The following CASR variants were observed in gnomAD, a reference collection of about 807,000 sequenced individuals.
CASR encodes the protein extracellular calcium-sensing receptor.
Under a neutral mutation model 69.1 loss-of-function variants are expected in CASR, and 23 were observed. That is an observed-to-expected ratio of 0.33 (90% confidence interval 0.24 to 0.47). CASR has a LOEUF of 0.47. Ranked by LOEUF, CASR falls within the 20% of genes least tolerant of loss-of-function variation. The pLI is 1.00. For synonymous variants in CASR, 541 were observed against 544.7 expected, an observed-to-expected ratio of 0.99 and a Z score of 0.10; for missense variants, 924 against 1,356.1, an observed-to-expected ratio of 0.68 and a Z score of 5.00.
At chr3:122,220,374 A>T (rs949503225) in intron 1 of CASR, among the ~76,000 whole-genome samples, 3 of 152,230 alleles carry the variant, frequency 2.0e-5, no homozygotes, top group African/African-American at 7.2e-5. Flanking sequence ...AGAGCCAGTG[A>T]TATGTCTGAG....
At chr3:122,249,332 C>T (rs1261958074) in intron 1 of CASR, among the ~76,000 whole-genome samples, 1 of 152,230 alleles carries the variant, frequency 6.6e-6, no homozygotes, top group Non-Finnish European at 1.5e-5. Flanking sequence ...GATCACCGTC[C>T]TTATAATGCG....
chr3:122,224,801 G>A (rs1576832665), intron 1 of CASR, among the ~76,000 whole-genome samples: 1 of 152,070 alleles, frequency 6.6e-6, no homozygotes, highest in Admixed American at 6.5e-5. Context: ...TATACTAAAG[G>A]CTACAGTAAC....
chr3:122,185,136 A>G (rs1365614056), intron 1 of CASR, among the ~76,000 whole-genome samples: 2 of 152,162 alleles, frequency 1.3e-5, no homozygotes, highest in African/African-American at 4.8e-5. Context: ...TTTTAACATT[A>G]TAGCTTTCAA....
At chr3:122,219,836 C>A (rs1559942341) in intron 1 of CASR, among the ~76,000 whole-genome samples, 1 of 152,190 alleles carries the variant, frequency 6.6e-6, no homozygotes, top group Non-Finnish European at 1.5e-5. Flanking sequence ...CAAGAGGGAT[C>A]CCTGCCTTGC....
At chr3:122,260,697 A>T (rs115334608) in intron 3 of CASR, among the ~76,000 whole-genome samples, 25,712 of 152,026 alleles carry the variant, frequency 0.17, 2,624 homozygotes, top group East Asian at 0.4. Flanking sequence ...AATAAAAAAA[A>T]AAAAAAAGTG....
intron 1 of CASR, among the ~76,000 whole-genome samples, chr3:122,222,831 A>T (rs937554147): frequency 1.6e-4 from 12 of 75,392 alleles, no homozygotes; most frequent in Non-Finnish European, 3.1e-4. Context: ...AGCAAGTCTC[A>T]ACAAATTAAA....
At chr3:122,212,602 A>G (rs1282296553) in intron 1 of CASR, among the ~76,000 whole-genome samples, 1 of 151,910 alleles carries the variant, frequency 6.6e-6, no homozygotes, top group Non-Finnish European at 1.5e-5. Context: ...ATCAATGAGA[A>G]TTATATCCCT....
Position 122,285,046 on chromosome 3 carries a change from G to A in CASR, c.3092G>A (p.Gly1031Asp), listed in dbSNP as rs201739901. ...TDLDLTVQET[G>D]LQGPVGGDQR... is the part of the protein sequence containing the mutation. ...TTAGATCTGACCGTCCAGGAAACAG[G>A]TCTGCAAGGACCTGTGGGTGGAGAC... is the stretch of plus-strand genomic sequence containing the variant. The change falls in exon 7 of 7, where the codon GGT (glycine) becomes GAT (aspartate). Residue 1031 changes from glycine (G) to aspartate (D), a missense_variant. Gly to Asp is a moderately conservative substitution (Grantham distance 94, BLOSUM62 -1). Around this residue, in one of 8 missense-constraint regions of CASR, gnomAD observed 201 missense variants for 228.8 expected, o/e 0.88. Coordinates refer to ENST00000639785, the MANE Select transcript of CASR (RefSeq NM_000388.4). 9 of 1,614,100 alleles carry A rather than the reference G, an allele frequency of 5.6e-6. No homozygotes were observed. Among genetic ancestry groups the A allele is most frequent in the Non-Finnish European group, 7.6e-6 (9 of 1,180,042 alleles).
chr3:122,211,544 C>CT (rs1311336623), intron 1 of CASR, among the ~76,000 whole-genome samples: 1 of 152,126 alleles, frequency 6.6e-6, no homozygotes, highest in Non-Finnish European at 1.5e-5. Context: ...CCTGTCTCTA[C>CT]TAAAAATAAA....
chr3:122,194,161 CTATCTCCT>C (rs2073865332), intron 1 of CASR, among the ~76,000 whole-genome samples: 1 of 152,158 alleles, frequency 6.6e-6, no homozygotes, highest in Non-Finnish European at 1.5e-5. Context: ...TTGGAACCCC[CTATCTCCT>C]TATCACCTAT....
chr3:122,202,404 C>T (rs951057112), intron 1 of CASR, among the ~76,000 whole-genome samples: 19 of 151,138 alleles, frequency 1.3e-4, no homozygotes, highest in Admixed American at 7.9e-4. Context: ...AGAGGGAGAC[C>T]GTGGAAAGAG....
chr3:122,275,368 A>G (rs149195775), intron 4 of CASR, among the ~76,000 whole-genome samples: 2 of 152,340 alleles, frequency 1.3e-5, no homozygotes, highest in East Asian at 3.9e-4. Flanking sequence ...GCAGGATCAT[A>G]GGAAAGGAAA....
At chr3:122,190,368 C>G (rs2073827613) in intron 1 of CASR, among the ~76,000 whole-genome samples, 1 of 152,128 alleles carries the variant, frequency 6.6e-6, no homozygotes, top group Non-Finnish European at 1.5e-5. Context: ...AATTATCAAC[C>G]AATTTCCATT....
In CASR at chr3:122,285,241, G is replaced by C. The variant is rs764209889; in HGVS notation, c.*50G>C. 2 of 1,568,802 alleles carry C rather than the reference G, an allele frequency of 1.3e-6. No homozygotes were observed. The highest frequency in any genetic ancestry group is 1.8e-6 in the Non-Finnish European group (2 of 1,140,868). ...GGAGAATGCAGAGAGGTTTCTTGGG[G>C]TCCCAGGGAAGAGGAATCGCCCCAG... On this transcript the variant is annotated 3_prime_UTR_variant, in exon 7 of 7. Coordinates refer to ENST00000639785, the MANE Select transcript of CASR (RefSeq NM_000388.4).
At chr3:122,269,526 T>G (rs1003648912) in intron 4 of CASR, among the ~76,000 whole-genome samples, 1 of 152,254 alleles carries the variant, frequency 6.6e-6, no homozygotes, top group African/African-American at 2.4e-5. Context: ...AACCAACCTT[T>G]CGTTCCTGGG....
intron 4 of CASR, among the ~76,000 whole-genome samples, chr3:122,271,757 T>G (rs895349422): frequency 6.6e-6 from 1 of 152,198 alleles, no homozygotes; most frequent in African/African-American, 2.4e-5. Context: ...TGTCACTCCC[T>G]AGGCCCCCAA....
chr3:122,275,934 T>C lies in CASR; in HGVS notation c.1500T>C (p.Asp500=). ...TCAACTGGCACCTCTCCCCAGAGGA[T>C]GGCTCCATCGTGTTTAAGGAAGTCG... The part of the protein sequence containing the change: ...SIINWHLSPE[D]GSIVFKEVGY... Residue 500 remains aspartate (D), a synonymous_variant, in exon 5 of 7, where the codon GAT becomes GAC. Coordinates refer to ENST00000639785, the MANE Select transcript of CASR (RefSeq NM_000388.4). 1.2e-6 allele frequency: 2 copies of C among 1,614,120 alleles called. No individual in the cohort carries two copies. The highest frequency in any genetic ancestry group is 1.7e-6 in the Non-Finnish European group (2 of 1,179,924).
chr3:122,242,220 TAGAAAGAAAG>T (rs2074385096), intron 1 of CASR, among the ~76,000 whole-genome samples: 1 of 151,926 alleles, frequency 6.6e-6, no homozygotes, highest in Non-Finnish European at 1.5e-5. Flanking sequence ...TCATCCACAT[TAGAAAGAAAG>T]AAGCCAAATT....
intron 1 of CASR, among the ~76,000 whole-genome samples, chr3:122,192,563 G>T (rs749330582): frequency 1.3e-5 from 2 of 152,140 alleles, no homozygotes; most frequent in Non-Finnish European, 2.9e-5. Flanking sequence ...TTCTCTTTAT[G>T]AATTAATAAC....
Sources: gnomAD v4.1 joint callset for allele counts (sites outside exome capture counted in the v4.1 genomes callset) on GRCh38, gnomAD v4.1.1 for gene constraint, gnomAD v4.1.1 regional missense constraint, MANE v1.5 for transcripts, NCBI Gene and HGNC (gene_info 2026-07-23, HGNC 2026-07-21) for gene names.